ZFAT: variants seen among roughly 807,000 people sequenced by gnomAD.
ZFAT encodes zinc finger protein ZFAT.
Under a neutral mutation model 117.7 loss-of-function variants are expected in ZFAT, and 64 were observed. The observed-to-expected ratio is 0.54, with a 90% CI of 0.44 to 0.67. The LOEUF is 0.67. Ranked by LOEUF, ZFAT falls within the 30% of genes least tolerant of loss-of-function variation. The pLI, the probability that ZFAT is intolerant of heterozygous loss-of-function variation, is 0.00. For missense variants in ZFAT, 1,433 were observed against 1,584.5 expected, an observed-to-expected ratio of 0.90 and a Z score of 1.62; for synonymous variants, 679 against 615.0, an observed-to-expected ratio of 1.10 and a Z score of -1.54.
At chr8:134,806,281 T>G in the ZFAT span, among the ~76,000 whole-genome samples, 1 of 152,232 alleles carries the variant, frequency 6.6e-6, no homozygotes, top group Non-Finnish European at 1.5e-5. Flanking sequence ...TAACGGTTGC[T>G]CTCTGAAATA....
intron 10 of ZFAT, among the ~76,000 whole-genome samples, chr8:134,571,729 C>G (rs1209335013): frequency 6.6e-6 from 1 of 152,218 alleles, no homozygotes; most frequent in African/African-American, 2.4e-5. Flanking sequence ...ACTCATTTAA[C>G]TGTCACAATA....
rs188324571 is a variant in ZFAT, at chr8:134,478,659, C to T, written c.3555G>A (p.Ala1185=). 793 of 1,583,022 alleles carry T rather than the reference C, an allele frequency of 5.0e-4. 5 individuals carry two copies. In the African/African-American group the frequency reaches 6.0e-3, roughly 12 times the overall value. ...GGTGCTGCTCGGCAAGCTCCACGGA[C>T]GCTTGCTGGACCGTCTCCTGGATCA... The part of the protein sequence containing the change: ...TVMIQETVQQ[A]SVELAEQHHL... Residue 1185 remains alanine, a synonymous_variant, in exon 16 of 16, where the codon GCG becomes GCA. Coordinates refer to ENST00000377838, the MANE Select transcript of ZFAT (RefSeq NM_020863.4). This position sits in a 1 kb window ranked among gnomAD's most constrained non-coding sequence, Gnocchi z 5.2.
chr8:134,479,983 T>C (rs991488934), intron 15 of ZFAT, among the ~76,000 whole-genome samples: 5 of 149,104 alleles, frequency 3.4e-5, no homozygotes, highest in African/African-American at 1.2e-4. Context: ...AGACAAGGTC[T>C]GACTCTGTTG....
chr8:134,653,292 C>CA (rs1261978262), intron 2 of ZFAT, among the ~76,000 whole-genome samples: 14 of 102,596 alleles, frequency 1.4e-4, no homozygotes, highest in Admixed American at 2.1e-4. Context: ...AAAAAAAAAA[C>CA]AAAAAACAGG....
chr8:134,750,810 C>T, the ZFAT span, among the ~76,000 whole-genome samples: 2 of 152,172 alleles, frequency 1.3e-5, no homozygotes, highest in East Asian at 3.8e-4. Context: ...ATGGCTAACT[C>T]AAGCTAATTA....
At chr8:134,555,291 C>A (rs1272300989) in intron 11 of ZFAT, among the ~76,000 whole-genome samples, 1 of 152,076 alleles carries the variant, frequency 6.6e-6, no homozygotes, top group Non-Finnish European at 1.5e-5. Flanking sequence ...CATGTAAGTA[C>A]CCTCTGCCTA....
At chr8:134,781,081 C>A in the ZFAT span, among the ~76,000 whole-genome samples, 1 of 151,976 alleles carries the variant, frequency 6.6e-6, no homozygotes, top group Admixed American at 6.6e-5. Flanking sequence ...TCTTGGAATG[C>A]AGGTAGGGAA....
intron 10 of ZFAT, 116 bp downstream of exon 10, chr8:134,583,716 T>C: frequency 7.7e-7 from 1 of 1,302,354 alleles, no homozygotes; most frequent in South Asian, 1.5e-5. Context: ...CAGAAGCTCC[T>C]TCTAACGGGC....
the ZFAT span, among the ~76,000 whole-genome samples, chr8:134,755,246 T>C: frequency 4.3e-5 from 3 of 70,152 alleles, no homozygotes; most frequent in African/African-American, 1.1e-4. Flanking sequence ...TCTACTAAAA[T>C]ACAAAAAAAA....
At chr8:134,740,177 G>A in the ZFAT span, among the ~76,000 whole-genome samples, 2 of 152,186 alleles carry the variant, frequency 1.3e-5, no homozygotes, top group Non-Finnish European at 2.9e-5. Context: ...TTGTCTCGGG[G>A]AAATCCACTC....
chr8:134,516,327 G>A (rs1238088218), intron 13 of ZFAT, among the ~76,000 whole-genome samples: 18 of 152,182 alleles, frequency 1.2e-4, no homozygotes, highest in Admixed American at 1.2e-3. Context: ...GTTCTTTCAG[G>A]AGACACGCTT....
intron 1 of ZFAT, chr8:134,674,898 A>ACCTCCAGCAGACCT (rs1474666233): frequency 6.1e-6 from 1 of 163,194 alleles, no homozygotes; most frequent in African/African-American, 2.4e-5. Context: ...CCTGCAGCAG[A>ACCTCCAGCAGACCT]GGGGCCTGAC....
intron 1 of ZFAT, among the ~76,000 whole-genome samples, chr8:134,667,598 TA>T (rs1832299452): frequency 6.7e-6 from 1 of 149,428 alleles, no homozygotes; most frequent in African/African-American, 2.5e-5. Context: ...TCCAAGAACT[TA>T]AAAGTAAAAT....
chr8:134,657,562 A>G lies in ZFAT; in HGVS notation c.195T>C (p.Asp65=), dbSNP rs775164830. Residue 65 remains aspartate (D), a splice_region_variant and synonymous_variant, in exon 2 of 16, where the codon GAT becomes GAC. Transcript: ENST00000377838. ...TGCCCCACCCCCCAGCCCCCTTACC[A>G]TCTCCGGTTTTGCTTGAGTTGGGGG... ...PEPPNSSKTG[D]EFLVMKRKRG... The G allele has an allele frequency of 8.7e-6, 14 of 1,608,498 alleles. No homozygotes were observed. Among genetic ancestry groups the G allele is most frequent in the Admixed American group, 1.7e-5 (1 of 59,630 alleles).
At chr8:134,581,859 G>C (rs1008209162) in intron 10 of ZFAT, among the ~76,000 whole-genome samples, 1 of 152,116 alleles carries the variant, frequency 6.6e-6, no homozygotes, top group Non-Finnish European at 1.5e-5. Flanking sequence ...CAAAGTGCTG[G>C]GATTATAGGC....
At position 134,682,267 on chromosome 8, in the gene ZFAT, C is replaced by G. The variant is rs928816310; in HGVS notation, c.20-24530G>C. Among the ~76,000 whole-genome samples, 7 of 152,168 alleles carry G rather than the reference C, an allele frequency of 4.6e-5. 1 individual carries two copies. Among genetic ancestry groups the G allele is most frequent in the African/African-American group, 1.7e-4 (7 of 41,436 alleles). ...TTAGGGAGCACGGATATTTTACATA[C>G]CACTAAAAAAGATAAAAACGCTGCC... On this transcript the variant is annotated intron_variant, in intron 1 of 15. Coordinates refer to ENST00000377838, the MANE Select transcript of ZFAT (RefSeq NM_020863.4).
rs1820104531 is a variant in ZFAT at position 134,514,522 on chromosome 8, A to G, written c.3235-1921T>C. ...TTTGAGGGCCTCCAGGGGCTCATTC[A>G]GGCCTCAGCATTTTACAAATGGTTT... On this transcript the variant is annotated intron_variant, in intron 13 of 15. Coordinates refer to ENST00000377838, the MANE Select transcript of ZFAT (RefSeq NM_020863.4). Among the ~76,000 whole-genome samples the G allele has an allele frequency of 9.2e-5, 14 of 152,260 alleles. No homozygotes were observed. The South Asian group carries it at 2.9e-3, about 32-fold the overall frequency.
At chr8:134,509,184 C>T (rs16905159) in intron 15 of ZFAT, among the ~76,000 whole-genome samples, 31 of 151,822 alleles carry the variant, frequency 2.0e-4, no homozygotes, top group African/African-American at 5.3e-4. Flanking sequence ...TTGATCTGAT[C>T]GGGTGGTTAC....
At chr8:134,634,828 TTTTAGAGCAGCA>T (rs1370904217) in intron 3 of ZFAT, among the ~76,000 whole-genome samples, 1 of 152,124 alleles carries the variant, frequency 6.6e-6, no homozygotes, top group Non-Finnish European at 1.5e-5. Flanking sequence ...AGGCACTCTG[TTTTAGAGCAGCA>T]GTCCCCAACT....
Sources: allele counts gnomAD v4.1 joint callset (sites outside exome capture counted in the v4.1 genomes callset), GRCh38; gene constraint gnomAD v4.1.1; non-coding constraint Gnocchi (gnomAD v3.1); transcripts MANE v1.5; gene names NCBI Gene and HGNC (gene_info 2026-07-23, HGNC 2026-07-21).